Variants in LRRC45 observed in about 807,000 individuals in gnomAD.
LRRC45 encodes leucine rich repeat containing 45.
Under a neutral mutation model 85.4 loss-of-function variants are expected in LRRC45, and 73 were observed. The ratio of observed to expected loss-of-function variants is 0.85; its 90% CI spans 0.71 to 1.04. The LOEUF is 1.04. Among genes scored for constraint, LRRC45 ranks in the 50% least tolerant of loss-of-function variants. The probability of loss-of-function intolerance (pLI) is 0.00; values close to 1 mark genes in which losing one functional copy is unlikely to be tolerated. For synonymous variants in LRRC45, 429 were observed against 386.0 expected (o/e 1.11, Z -1.31); for missense variants, 937 against 883.3 (o/e 1.06, Z -0.77).
At chr17:82,029,057 C>T (rs2144147947) in intron 12 of LRRC45, 36 bp from the exon 13 acceptor site, 1 of 1,592,264 alleles carries the variant, frequency 6.3e-7, no homozygotes, top group East Asian at 2.2e-5. Flanking sequence ...GAGGCCCGCT[C>T]TCCACTCTGG....
At position 82,030,176 on chromosome 17, in the gene LRRC45, C is replaced by G; in HGVS notation, c.1606C>G (p.Arg536Gly). 6.5e-7 allele frequency: 1 copy of G among 1,544,632 alleles called. No homozygotes were observed. The highest frequency in any genetic ancestry group is 8.7e-7 in the Non-Finnish European group (1 of 1,144,062). ...QKQVVAEAQTRVSQLGLQVEG... is the reference protein window; with the variant it reads ...QKQVVAEAQTGVSQLGLQVEG... ...GCAGGTGGTGGCCGAGGCCCAGACC[C>G]GGGTCAGCCAGCTGGGCCTGCAAGT... The change falls in exon 15 of 17, where the codon CGG becomes GGG. Residue 536 changes from arginine to glycine, a missense_variant. Transcript: ENST00000306688.
chr17:82,024,137 G>A (rs142978260), intron 1 of LRRC45, 141 bp from the exon 2 acceptor site: 3 of 990,032 alleles, frequency 3.0e-6, no homozygotes, highest in African/African-American at 1.6e-5. Context: ...ACTTCGCAGC[G>A]AGACTCTTGG....
At chr17:82,027,255 G>A in intron 6 of LRRC45, 131 bp from the exon 7 acceptor site, 1 of 1,181,330 alleles carries the variant, frequency 8.5e-7, no homozygotes. Flanking sequence ...CTGTGAAGGA[G>A]ACAGGGCACC....
intron 16 of LRRC45, 46 bp from the exon 17 acceptor site, chr17:82,030,563 C>G (rs1384060400): frequency 1.4e-6 from 2 of 1,475,500 alleles, no homozygotes; most frequent in Non-Finnish European, 1.8e-6. Flanking sequence ...GGCCGTGCCA[C>G]GGTGCGCTGG....
Position 82,027,712 on chromosome 17 carries a change from T to G in LRRC45, c.872T>G (p.Leu291Arg). Residue 291 changes from leucine to arginine, a missense_variant, in exon 8 of 17, where the codon CTG becomes CGG. Transcript: ENST00000306688. The part of the protein sequence containing the change: ...AARVGQLQEA[L>R]NERHSIINAL... Reference sequence around the variant, plus strand: ...CGTGTAGGGCAGCTTCAGGAAGCCCTGAATGAGAGGCACTCCATCATCAAC... The same window carrying G: ...CGTGTAGGGCAGCTTCAGGAAGCCCGGAATGAGAGGCACTCCATCATCAAC... 1 of 1,611,092 alleles carries G rather than the reference T, an allele frequency of 6.2e-7. No homozygotes were observed. Among genetic ancestry groups the G allele is most frequent in the South Asian group, 1.1e-5 (1 of 90,706 alleles).
At chr17:82,029,019 GGTGGGGAGTCC>G (rs745854928) in intron 12 of LRRC45, 63 bp from the exon 13 acceptor site, 1 of 1,359,838 alleles carries the variant, frequency 7.4e-7, no homozygotes, top group East Asian at 2.3e-5. Flanking sequence ...TGCCTTTCAG[GGTGGGGAGTCC>G]GTGAGGAGAA....
chr17:82,027,716 T>C lies in LRRC45; in HGVS notation c.876T>C (p.Asn292=). 6.2e-7 allele frequency: 1 copy of C among 1,611,170 alleles called. No individual in the cohort carries two copies. The highest frequency in any genetic ancestry group is 1.3e-5 in the African/African-American group (1 of 75,038). The stretch of plus-strand genomic sequence containing the variant: ...TAGGGCAGCTTCAGGAAGCCCTGAA[T>C]GAGAGGCACTCCATCATCAACGCTC... The part of the protein sequence containing the change: ...ARVGQLQEAL[N]ERHSIINALK... The change falls in exon 8 of 17, where the codon AAT becomes AAC. Residue 292 remains asparagine, a synonymous_variant. Coordinates refer to ENST00000306688, the MANE Select transcript of LRRC45 (RefSeq NM_144999.4).
rs1245693833 is a variant in LRRC45 at position 82,027,011 on chromosome 17, G to A, written c.774G>A (p.Gln258=). 1 of 1,591,434 alleles carries A rather than the reference G, an allele frequency of 6.3e-7. No homozygotes were observed. Among genetic ancestry groups the A allele is most frequent in the East Asian group, 2.3e-5 (1 of 44,250 alleles). The change falls in exon 6 of 17, where the codon CAG becomes CAA. Residue 258 remains glutamine, a splice_region_variant and synonymous_variant. Transcript: ENST00000306688. ...VQHLREEKSK[Q]FLDLMETIDK... ...ACCTCCGGGAGGAGAAGTCCAAGCA[G>A]GTGAGGATGGCGCCTTCACTGACCT...
Position 82,028,144 on chromosome 17 carries a change from C to G in LRRC45, c.1045C>G (p.Gln349Glu). 1.3e-6 allele frequency: 2 copies of G among 1,565,576 alleles called. No individual in the cohort carries two copies. Among genetic ancestry groups the G allele is most frequent in the Non-Finnish European group, 1.7e-6 (2 of 1,155,776 alleles). Reference protein sequence around the residue: ...RQAKELKLEQQEAAERESKLL... With the variant: ...RQAKELKLEQEEAAERESKLL... Reference sequence around the variant, plus strand: ...GGCCAAGGAGCTCAAGCTGGAGCAGCAGGTGGGTGGGCAGGGCTTGAGAGG... The same window carrying G: ...GGCCAAGGAGCTCAAGCTGGAGCAGGAGGTGGGTGGGCAGGGCTTGAGAGG... Residue 349 changes from glutamine (Q) to glutamate (E), a missense_variant and splice_region_variant, in exon 9 of 17, where the codon CAG becomes GAG. Physicochemically the swap from Gln to Glu is conservative, Grantham distance 29. Transcript: ENST00000306688.
chr17:82,029,446 A>G, intron 13 of LRRC45, 97 bp from the exon 14 acceptor site: 1 of 1,352,684 alleles, frequency 7.4e-7, no homozygotes, highest in Non-Finnish European at 1.0e-6. Context: ...GCTGGCAGAG[A>G]GGAGCCCCCC....
rs573388002 is a variant in LRRC45, at chr17:82,027,834, G to A, written c.911+83G>A. The A allele has an allele frequency of 1.4e-5, 22 of 1,548,126 alleles. No individual in the cohort carries two copies. In the East Asian group the frequency reaches 4.6e-4, roughly 32 times the overall value. On this transcript the variant is annotated intron_variant, in intron 8 of 16. Coordinates refer to ENST00000306688, the MANE Select transcript of LRRC45 (RefSeq NM_144999.4). ...TGGTGTGAACCTGTGTGCAAGTCCT[G>A]TTTGCAAAGCAGAGGTGGGAAATGG...
rs1265723579 is a variant in LRRC45, at chr17:82,028,226, C to T, written c.1048-8C>T. 6.4e-7 allele frequency: 1 copy of T among 1,569,300 alleles called. No homozygotes were observed. Reference sequence around the variant, plus strand: ...ACCCTCACTACCCATACCCCGTTCCCCTCCCAGGAAGCTGCAGAGCGGGAG... The same window carrying T: ...ACCCTCACTACCCATACCCCGTTCCTCTCCCAGGAAGCTGCAGAGCGGGAG... On this transcript the variant is annotated splice_region_variant and splice_polypyrimidine_tract_variant and intron_variant, in intron 9 of 16. Coordinates refer to ENST00000306688, the MANE Select transcript of LRRC45 (RefSeq NM_144999.4).
At position 82,027,113 on chromosome 17, in the gene LRRC45, C is replaced by T. The variant is rs61334562; in HGVS notation, c.774+102C>T. Reference sequence around the variant, plus strand: ...CGTGGTCTGCCCATCTTCCCTTCCTCGGGGCCCTGGAGCCTCTCTGAGTGG... The same window carrying T: ...CGTGGTCTGCCCATCTTCCCTTCCTTGGGGCCCTGGAGCCTCTCTGAGTGG... On this transcript the variant is annotated intron_variant, in intron 6 of 16. Transcript: ENST00000306688. The T allele has an allele frequency of 6.2e-3, 6,769 of 1,087,566 alleles. 310 individuals are homozygous for T. The African/African-American group carries it at 0.094, about 15-fold the overall frequency. The allele number at this position is 1,087,566 out of a possible 1,614,324, so 67.4% of individuals were successfully genotyped here.
At chr17:82,029,963 C>A in intron 14 of LRRC45, 102 bp from the exon 15 acceptor site, 1 of 1,364,242 alleles carries the variant, frequency 7.3e-7, no homozygotes, top group Non-Finnish European at 9.7e-7. Context: ...GTAACTAGAG[C>A]AGCCAGTCCT....
In LRRC45 at chr17:82,029,642, C is replaced by G; in HGVS notation, c.1494+7C>G. 1 of 1,561,680 alleles carries G rather than the reference C, an allele frequency of 6.4e-7. No individual in the cohort carries two copies. ...CCAGGCCCGCCTGGAGGAGGTGAGC[C>G]ACACATGTCCGCCACCCTCCGGGGG... On this transcript the variant is annotated splice_region_variant and intron_variant, in intron 14 of 16. Coordinates refer to ENST00000306688, the MANE Select transcript of LRRC45 (RefSeq NM_144999.4).
chr17:82,028,318 G>A lies in LRRC45; in HGVS notation c.1125+7G>A, dbSNP rs2043386711. The A allele has an allele frequency of 2.5e-6, 4 of 1,599,294 alleles. No individual in the cohort carries two copies. Among genetic ancestry groups the A allele is most frequent in the Non-Finnish European group, 3.4e-6 (4 of 1,173,966 alleles). On this transcript the variant is annotated splice_region_variant and intron_variant, in intron 10 of 16. Transcript: ENST00000306688. ...CCTGCTTCTGCAAAACCAGGTAGCT[G>A]TGGTGGATGGAGCCAGGGAGCCCAG...
Position 82,028,433 on chromosome 17 carries a change from G to A in LRRC45, c.1162G>A (p.Glu388Lys). The change falls in exon 11 of 17, where the codon GAG becomes AAG. Residue 388 changes from glutamate (E) to lysine (K), a missense_variant. Coordinates refer to ENST00000306688, the MANE Select transcript of LRRC45 (RefSeq NM_144999.4). The stretch of plus-strand genomic sequence containing the variant: ...GGAGCGGAAGTTCAGGTGTCAGCAG[G>A]AGCAGCTGTTCCAGACCAGGCAGGA... ...ELERKFRCQQ[E>K]QLFQTRQEMT... The A allele has an allele frequency of 6.2e-7, 1 of 1,612,750 alleles. No individual in the cohort carries two copies.
At chr17:82,025,330 C>T in intron 4 of LRRC45, 49 bp from the exon 5 acceptor site, 1 of 1,536,400 alleles carries the variant, frequency 6.5e-7, no homozygotes, top group Non-Finnish European at 8.8e-7. Flanking sequence ...CAGGCCAGCT[C>T]CCCCTCTGCC....
intron 13 of LRRC45, 83 bp from the exon 14 acceptor site, chr17:82,029,460 C>G: frequency 7.0e-7 from 1 of 1,436,518 alleles, no homozygotes; most frequent in Non-Finnish European, 9.5e-7. Context: ...GCCCCCCTGG[C>G]TGGGGTTGGC....
Sources: allele counts gnomAD v4.1 joint callset, GRCh38; gene constraint gnomAD v4.1.1; transcripts MANE v1.5; gene names NCBI Gene and HGNC (gene_info 2026-07-23, HGNC 2026-07-21).